Variants in CAST observed in about 807,000 individuals in gnomAD.
CAST encodes the protein MIR583 host.
CAST carries 76 observed loss-of-function variants against 119.6 expected under a neutral mutation model. The observed-to-expected ratio is 0.64, with a 90% CI of 0.53 to 0.77. The LOEUF (loss-of-function observed/expected upper bound fraction) is 0.77. Ranked by LOEUF, CAST falls within the 30% of genes least tolerant of loss-of-function variation. The probability of loss-of-function intolerance (pLI) is 0.00; values close to 1 mark genes in which losing one functional copy is unlikely to be tolerated. For synonymous variants in CAST, 319 were observed against 331.6 expected (o/e 0.96, Z 0.41); for missense variants, 953 against 946.5 (o/e 1.01, Z -0.09).
At chr5:96,138,819 T>A in the CAST span, among the ~76,000 whole-genome samples, 2 of 152,046 alleles carry the variant, frequency 1.3e-5, no homozygotes, top group South Asian at 4.1e-4. Context: ...GGAATTTTGT[T>A]GTTATTGTTG....
chr5:96,082,646 ATTAG>A, the CAST span, among the ~76,000 whole-genome samples: 1 of 152,182 alleles, frequency 6.6e-6, no homozygotes, highest in Non-Finnish European at 1.5e-5. Context: ...TACTTTTATT[ATTAG>A]TTATACATTT....
At chr5:96,437,695 A>G in the CAST span, among the ~76,000 whole-genome samples, 6 of 152,166 alleles carry the variant, frequency 3.9e-5, no homozygotes, top group African/African-American at 1.4e-4. Flanking sequence ...CCCCCACCCC[A>G]GAACTACTGA....
At chr5:96,613,509 G>A (rs1333084777) in intron 1 of CAST, among the ~76,000 whole-genome samples, 3 of 151,948 alleles carry the variant, frequency 2.0e-5, no homozygotes, top group Non-Finnish European at 2.9e-5. Context: ...TCATTTTCTA[G>A]CTAAGGAAAC....
chr5:96,268,853 A>G, the CAST span, among the ~76,000 whole-genome samples: 6 of 152,162 alleles, frequency 3.9e-5, no homozygotes, highest in Non-Finnish European at 7.4e-5. Flanking sequence ...CTCAAATTGT[A>G]ATCCCCATGT....
chr5:96,166,356 C>T, the CAST span, among the ~76,000 whole-genome samples: 10 of 152,048 alleles, frequency 6.6e-5, no homozygotes, highest in Admixed American at 6.6e-4. Context: ...TATTTAACAA[C>T]AGGTTTGCAA....
At chr5:96,695,536 A>T (rs552661890) in intron 2 of CAST, among the ~76,000 whole-genome samples, 1 of 152,310 alleles carries the variant, frequency 6.6e-6, no homozygotes, top group East Asian at 1.9e-4. Context: ...TCTCTATGGC[A>T]CTGTAAGGGT....
At chr5:96,584,275 A>G (rs73774310) in intron 1 of CAST, among the ~76,000 whole-genome samples, 431 of 152,300 alleles carry the variant, frequency 2.8e-3, no homozygotes, top group African/African-American at 9.9e-3. Context: ...AACGCCGATG[A>G]TGATCTGACA....
chr5:96,662,326 TC>T, upstream of CAST: 1 of 259,226 alleles, frequency 3.9e-6, no homozygotes, highest in Non-Finnish European at 6.7e-6. Flanking sequence ...CTCCGCTCCC[TC>T]CCTCCCTCCC....
intron 1 of CAST, among the ~76,000 whole-genome samples, chr5:96,542,164 G>T (rs900398744): frequency 6.6e-6 from 1 of 152,066 alleles, no homozygotes; most frequent in East Asian, 1.9e-4. Context: ...CAAAAAATTA[G>T]CCGGGCGAGG....
intron 1 of CAST, among the ~76,000 whole-genome samples, chr5:96,543,932 GCCAGTAC>G (rs1745959467): frequency 6.6e-6 from 1 of 152,002 alleles, no homozygotes; most frequent in Non-Finnish European, 1.5e-5. Context: ...CTATTCTTTT[GCCAGTAC>G]CCAATACCAT....
chr5:96,458,460 C>T, the CAST span, among the ~76,000 whole-genome samples: 1 of 152,146 alleles, frequency 6.6e-6, no homozygotes, highest in Non-Finnish European at 1.5e-5. Flanking sequence ...GGAGGGTAAA[C>T]ACATAGTTGC....
At chr5:96,459,923 G>C in the CAST span, among the ~76,000 whole-genome samples, 2 of 152,074 alleles carry the variant, frequency 1.3e-5, no homozygotes, top group African/African-American at 4.8e-5. Flanking sequence ...GCAGAATAAG[G>C]CTCCATCTTC....
rs182414945 is a variant in CAST at position 96,771,212 on chromosome 5, C to T, written c.2341-432C>T. ...TATCTCAGTTTAAATACTTATTTGC[C>T]TATTATTTAATTTCAGTTATACGAA... On this transcript the variant is annotated intron_variant, in intron 30 of 31. Transcript: ENST00000675179. Among the ~76,000 whole-genome samples the T allele has an allele frequency of 4.0e-3, 604 of 152,220 alleles. 13 individuals carry two copies. Among genetic ancestry groups the T allele is most frequent in the South Asian group, 0.024 (117 of 4,824 alleles).
At chr5:96,565,197 C>CCTTAACT (rs1481690493) in intron 1 of CAST, among the ~76,000 whole-genome samples, 3 of 151,334 alleles carry the variant, frequency 2.0e-5, no homozygotes, top group Non-Finnish European at 2.9e-5. Flanking sequence ...AATAGCCTCT[C>CCTTAACT]CTTAACTCTG....
At chr5:96,474,591 A>G in the CAST span, among the ~76,000 whole-genome samples, 9 of 152,180 alleles carry the variant, frequency 5.9e-5, no homozygotes, top group Admixed American at 5.9e-4. Context: ...CTGAGCAGCC[A>G]GTGGATGACA....
chr5:96,385,628 G>C, the CAST span, among the ~76,000 whole-genome samples: 1 of 152,164 alleles, frequency 6.6e-6, no homozygotes, highest in African/African-American at 2.4e-5. Flanking sequence ...AAAATGTTCA[G>C]TTAACAAAAG....
chr5:96,204,865 A>C, the CAST span, among the ~76,000 whole-genome samples: 1 of 152,084 alleles, frequency 6.6e-6, no homozygotes, highest in Non-Finnish European at 1.5e-5. Context: ...CATAATTTGC[A>C]TCAGAATTTA....
At chr5:96,491,151 G>T in the CAST span, among the ~76,000 whole-genome samples, 1 of 152,064 alleles carries the variant, frequency 6.6e-6, no homozygotes, top group Non-Finnish European at 1.5e-5. Flanking sequence ...CAAATTAAAA[G>T]TACATGTGAT....
chr5:96,723,809 T>G (rs1242029452), intron 4 of CAST, among the ~76,000 whole-genome samples: 1 of 152,224 alleles, frequency 6.6e-6, no homozygotes, highest in Non-Finnish European at 1.5e-5. Context: ...CCAACTCCAT[T>G]ATTATTAAAT....
Sources: allele counts gnomAD v4.1 joint callset (sites outside exome capture counted in the v4.1 genomes callset), GRCh38; gene constraint gnomAD v4.1.1; transcripts MANE v1.5; gene names NCBI Gene and HGNC (gene_info 2026-07-23, HGNC 2026-07-21).